RALGAPA1: variants seen among roughly 807,000 people sequenced by gnomAD.
RALGAPA1 encodes the protein ral GTPase-activating protein subunit alpha-1.
In RALGAPA1, 52 loss-of-function variants were observed where a neutral mutation model predicts 269.6. The ratio of observed to expected loss-of-function variants is 0.19; its 90% CI spans 0.15 to 0.24. RALGAPA1 has a LOEUF of 0.24. Ranked by LOEUF, RALGAPA1 falls within the 10% of genes least tolerant of loss-of-function variation. The pLI is 1.00. For missense variants in RALGAPA1, 1,917 were observed against 3,013.9 expected (o/e 0.64, Z 8.52); for synonymous variants, 817 against 1,008.3 (o/e 0.81, Z 3.60).
At chr14:35,692,639 A>G (rs772080635) in intron 17 of RALGAPA1, among the ~76,000 whole-genome samples, 30 of 151,800 alleles carry the variant, frequency 2.0e-4, no homozygotes, top group Non-Finnish European at 3.4e-4. Context: ...AATTTAAACA[A>G]TGTTTTTAAA....
chr14:35,717,535 T>G (rs2068943303), intron 16 of RALGAPA1, among the ~76,000 whole-genome samples: 1 of 152,144 alleles, frequency 6.6e-6, no homozygotes, highest in Non-Finnish European at 1.5e-5. Context: ...TACTTCCACG[T>G]AATTATGATA....
At chr14:35,805,888 CT>C in intron 1 of RALGAPA1, among the ~76,000 whole-genome samples, 1 of 152,056 alleles carries the variant, frequency 6.6e-6, no homozygotes, top group South Asian at 2.1e-4. Context: ...CCCGGTTTCA[CT>C]CTGTTGGCCA....
chr14:35,606,369 T>A (rs1023481702), intron 35 of RALGAPA1, among the ~76,000 whole-genome samples: 8 of 152,202 alleles, frequency 5.3e-5, no homozygotes, highest in Non-Finnish European at 1.0e-4. Context: ...GTAGGAATAC[T>A]GTAGGCAATT....
rs1595150271 is a variant in RALGAPA1, at chr14:35,688,699, T to C, written c.3712A>G (p.Ile1238Val). 3.0e-5 allele frequency: 44 copies of C among 1,479,596 alleles called. 1 individual carries two copies. The South Asian group carries it at 5.8e-4, about 19-fold the overall frequency. 91.7% of individuals were successfully genotyped at this position (1,479,596 alleles called of 1,614,324 possible). A position where few individuals can be genotyped will look rare whatever the true frequency, so the allele number is the denominator to read the frequency against. The change falls in exon 18 of 42, where the codon ATA (isoleucine) becomes GTA (valine). Residue 1238 changes from isoleucine to valine, a missense_variant. Physicochemically the swap from Ile to Val is conservative, Grantham distance 29. Around this residue, in one of 11 missense-constraint regions of RALGAPA1, gnomAD observed 615 missense variants for 790.0 expected, o/e 0.78. Transcript: ENST00000680220. ...CTTGCAATTCCTTCTTTTTGTAATA[T>C]GGTGGTGGGAATCTCTGTGGATTCC... ...VKESTEIPTT[I>V]LQKEGIASSQ...
chr14:35,718,089 T>G (rs1459270328), intron 16 of RALGAPA1, among the ~76,000 whole-genome samples: 1 of 152,188 alleles, frequency 6.6e-6, no homozygotes, highest in Non-Finnish European at 1.5e-5. Context: ...AAAACAGTCG[T>G]CCTATGTCCT....
intron 27 of RALGAPA1, among the ~76,000 whole-genome samples, chr14:35,664,366 T>C (rs1484604193): frequency 6.6e-6 from 1 of 152,156 alleles, no homozygotes; most frequent in Non-Finnish European, 1.5e-5. Context: ...ATCTGGCTCA[T>C]GGGGTATTTC....
At chr14:35,673,736 A>T (rs2064704773) in intron 24 of RALGAPA1, among the ~76,000 whole-genome samples, 3 of 152,038 alleles carry the variant, frequency 2.0e-5, no homozygotes. Flanking sequence ...GCCCACCACC[A>T]TGCCCAGCTA....
chr14:35,761,756 C>T (rs1279348366), intron 5 of RALGAPA1, among the ~76,000 whole-genome samples: 3 of 152,164 alleles, frequency 2.0e-5, no homozygotes, highest in Non-Finnish European at 4.4e-5. Context: ...TTCCACTAAC[C>T]TAACCTCACT....
chr14:35,620,109 C>G (rs1328664240), intron 35 of RALGAPA1, among the ~76,000 whole-genome samples: 3 of 152,106 alleles, frequency 2.0e-5, no homozygotes, highest in Non-Finnish European at 4.4e-5. Context: ...CAAAAATCCT[C>G]AATGAAATAC....
At chr14:35,709,441 A>G (rs1394548312) in intron 16 of RALGAPA1, among the ~76,000 whole-genome samples, 1 of 152,058 alleles carries the variant, frequency 6.6e-6, no homozygotes. Context: ...TTAATAATTG[A>G]TATCTTCTTA....
In RALGAPA1 at chr14:35,766,284, C is replaced by G. The variant is rs911186805; in HGVS notation, c.326-3531G>C. 8.0e-6 allele frequency: 7 copies of G among 870,082 alleles called. No homozygotes were observed. In the African/African-American group the frequency reaches 1.2e-4, roughly 14 times the overall value. The allele number at this position is 870,082 out of a possible 1,614,324, so 53.9% of individuals were successfully genotyped here. On this transcript the variant is annotated intron_variant, in intron 4 of 41. Transcript: ENST00000680220. ...AATTGTCTTGGGTGTACTGGCTGAA[C>G]ATGACCCTACGGATTCTACCACAGC... is the stretch of plus-strand genomic sequence containing the variant.
intron 4 of RALGAPA1, chr14:35,765,792 A>G (rs1006051962): frequency 1.0e-5 from 5 of 485,428 alleles, no homozygotes; most frequent in Non-Finnish European, 1.9e-5. Context: ...CACTACAGCC[A>G]GCCAAAAATT....
At chr14:35,774,037 C>T (rs557939775) in intron 3 of RALGAPA1, among the ~76,000 whole-genome samples, 60 of 152,258 alleles carry the variant, frequency 3.9e-4, no homozygotes, top group African/African-American at 1.4e-3. Flanking sequence ...CCTCAGCCTC[C>T]TGAGTCACTA....
Position 35,721,670 on chromosome 14 carries a change from A to G in RALGAPA1, c.2266+18T>C. 8 of 1,608,232 alleles carry G rather than the reference A, an allele frequency of 5.0e-6. No individual in the cohort carries two copies. The highest frequency in any genetic ancestry group is 5.1e-6 in the Non-Finnish European group (6 of 1,177,286). On this transcript the variant is annotated intron_variant, in intron 16 of 41. Transcript: ENST00000680220. Reference sequence around the variant, plus strand: ...TGTAGTGCCCTGTACCATTCTCATGATTTTCAAGAGTACATACCGACAGTT... The same window carrying G: ...TGTAGTGCCCTGTACCATTCTCATGGTTTTCAAGAGTACATACCGACAGTT...
Position 35,764,452 on chromosome 14 carries a change from A to T in RALGAPA1, c.326-1699T>A, listed in dbSNP as rs1005429742. 3.3e-5 allele frequency among the ~76,000 whole-genome samples: 5 copies of T among 152,108 alleles called. No homozygotes were observed. The East Asian group carries it at 9.6e-4, about 29-fold the overall frequency. On this transcript the variant is annotated intron_variant, in intron 4 of 41. Transcript: ENST00000680220. ...ACTAATTCTGTGTCTATTTCTATGA[A>T]TTGAAAATACATTATCCCAAACAAT...
At chr14:35,627,031 C>T in intron 34 of RALGAPA1, 59 bp downstream of exon 34, 3 of 1,354,622 alleles carry the variant, frequency 2.2e-6, no homozygotes, top group Non-Finnish European at 2.9e-6. Flanking sequence ...AATGCTTTAT[C>T]AGAAGATGAA....
rs1001599270 is a variant in RALGAPA1, at chr14:35,611,568, C to CA, written c.6930-5860dup. Among the ~76,000 whole-genome samples the CA allele has an allele frequency of 7.6e-3, 1,044 of 137,460 alleles. 3 individuals carry two copies. The highest frequency in any genetic ancestry group is 0.026 in the Middle Eastern group (7 of 274). The allele number at this position is 137,460 out of a possible 152,430, so 90.2% of individuals were successfully genotyped here. The stretch of plus-strand genomic sequence containing the variant: ...GCAACACAGTGAGACCCCGTCTCTA[C>CA]AAAAAAAAAAAATTGGCTGGGCATG... On this transcript the variant is annotated intron_variant, in intron 35 of 41. Coordinates refer to ENST00000680220, the MANE Select transcript of RALGAPA1 (RefSeq NM_001346249.2).
In RALGAPA1 at chr14:35,725,448, C is replaced by T. The variant is rs765420152; in HGVS notation, c.1737-295G>A. Among the ~76,000 whole-genome samples, 236 of 152,220 alleles carry T rather than the reference C, an allele frequency of 1.6e-3. 1 individual carries two copies. Among genetic ancestry groups the T allele is most frequent in the Non-Finnish European group, 2.8e-3 (192 of 68,004 alleles). ...GAGAATGCTCCCGTCTCCGCAACCA[C>T]AAATTAAGTAGTGACCTTAAGGAGC... On this transcript the variant is annotated intron_variant, in intron 13 of 41. Coordinates refer to ENST00000680220, the MANE Select transcript of RALGAPA1 (RefSeq NM_001346249.2).
chr14:35,757,011 T>C (rs1052832817), intron 6 of RALGAPA1, 103 bp from the exon 7 acceptor site: 2 of 1,029,926 alleles, frequency 1.9e-6, no homozygotes, highest in African/African-American at 1.7e-5. Context: ...GCAATGAAAA[T>C]TGCTTGAAAA....
Sources: allele counts gnomAD v4.1 joint callset (sites outside exome capture counted in the v4.1 genomes callset), GRCh38; gene constraint gnomAD v4.1.1; regional missense constraint gnomAD v4.1.1; transcripts MANE v1.5; gene names NCBI Gene and HGNC (gene_info 2026-07-23, HGNC 2026-07-21).